Variants in CSNK2A2IP observed in about 807,000 individuals in gnomAD.
The protein encoded by CSNK2A2IP is casein kinase II subunit alpha'-interacting protein.
chr3:88,443,615 G>A, the CSNK2A2IP span, among the ~76,000 whole-genome samples: 5 of 152,054 alleles, frequency 3.3e-5, no homozygotes, highest in Non-Finnish European at 7.4e-5. Flanking sequence ...TATGTCCAGA[G>A]GGAAAGTCCA....
At chr3:88,465,555 A>T in the CSNK2A2IP span, 2 of 1,231,738 alleles carry the variant, frequency 1.6e-6, no homozygotes, top group African/African-American at 1.5e-5. Context: ...AGGTCCAGAG[A>T]TGCTCAGTAT....
At chr3:88,362,914 G>C in the CSNK2A2IP span, among the ~76,000 whole-genome samples, 5 of 152,122 alleles carry the variant, frequency 3.3e-5, no homozygotes, top group Non-Finnish European at 5.9e-5. Flanking sequence ...AGTTGGGGGA[G>C]AAGTGATACC....
chr3:88,391,047 T>G, the CSNK2A2IP span, among the ~76,000 whole-genome samples: 2 of 152,222 alleles, frequency 1.3e-5, no homozygotes, highest in Admixed American at 1.3e-4. Flanking sequence ...GGCAAATTAC[T>G]TAGTCTTTGT....
At chr3:88,404,710 T>G in the CSNK2A2IP span, among the ~76,000 whole-genome samples, 1 of 147,936 alleles carries the variant, frequency 6.8e-6, no homozygotes, top group Non-Finnish European at 1.5e-5. Flanking sequence ...CCCCTAATTC[T>G]TAAGTTGATG....
chr3:88,398,937 A>G, the CSNK2A2IP span, among the ~76,000 whole-genome samples: 24 of 152,336 alleles, frequency 1.6e-4, no homozygotes, highest in South Asian at 4.1e-4. Flanking sequence ...ATTAAACAAA[A>G]TATCCACTCA....
chr3:88,467,393 C>T, the CSNK2A2IP span: 552 of 398,650 alleles, frequency 1.4e-3, 2 homozygotes, highest in African/African-American at 0.01. Context: ...CGGTTGCCTG[C>T]AGGGGTCTCC....
chr3:88,366,374 A>C, the CSNK2A2IP span, among the ~76,000 whole-genome samples: 7 of 152,168 alleles, frequency 4.6e-5, no homozygotes, highest in African/African-American at 1.7e-4. Flanking sequence ...TCAACTGAAA[A>C]CCAGATGAAG....
chr3:88,439,652 G>A, the CSNK2A2IP span, among the ~76,000 whole-genome samples: 3 of 148,922 alleles, frequency 2.0e-5, no homozygotes, highest in Non-Finnish European at 4.4e-5. Context: ...TGAGGCAGGA[G>A]AATTGCTTGA....
chr3:88,414,142 G>A, the CSNK2A2IP span, among the ~76,000 whole-genome samples: 2 of 149,034 alleles, frequency 1.3e-5, no homozygotes, highest in Non-Finnish European at 3.0e-5. Flanking sequence ...GCTGATAAAA[G>A]TACAATACTT....
the CSNK2A2IP span, among the ~76,000 whole-genome samples, chr3:88,402,659 A>G: frequency 6.6e-6 from 1 of 151,910 alleles, no homozygotes; most frequent in East Asian, 1.9e-4. Context: ...AACATAAAAT[A>G]ATATATGCTA....
chr3:88,365,272 A>C, the CSNK2A2IP span, among the ~76,000 whole-genome samples: 5 of 152,226 alleles, frequency 3.3e-5, no homozygotes, highest in African/African-American at 1.2e-4. Flanking sequence ...TAAATGAAGT[A>C]GAATTGAAGT....
chr3:88,417,967 G>A, the CSNK2A2IP span, among the ~76,000 whole-genome samples: 247 of 152,194 alleles, frequency 1.6e-3, no homozygotes, highest in Non-Finnish European at 3.2e-3. Context: ...AAAGAAATCT[G>A]CTTTGAAAAA....
chr3:88,466,358 C>T, the CSNK2A2IP span: 2 of 1,231,744 alleles, frequency 1.6e-6, no homozygotes, highest in Non-Finnish European at 2.0e-6. Context: ...AACTTCCAGA[C>T]CACGAATTCA....
the CSNK2A2IP span, among the ~76,000 whole-genome samples, chr3:88,415,097 A>C: frequency 6.6e-6 from 1 of 151,972 alleles, no homozygotes; most frequent in Non-Finnish European, 1.5e-5. Context: ...CAAAACAGTA[A>C]TAGCAGTTCT....
the CSNK2A2IP span, among the ~76,000 whole-genome samples, chr3:88,399,347 A>G: frequency 1.3e-5 from 2 of 152,190 alleles, no homozygotes; most frequent in East Asian, 3.9e-4. Flanking sequence ...TAAAAAATAT[A>G]TATGTCACCA....
chr3:88,435,958 A>G, the CSNK2A2IP span, among the ~76,000 whole-genome samples: 1 of 129,306 alleles, frequency 7.7e-6, no homozygotes, highest in Non-Finnish European at 1.7e-5. Context: ...AATGCACATT[A>G]TGTGTGCATT....
chr3:88,451,912 T>C, the CSNK2A2IP span, among the ~76,000 whole-genome samples: 1 of 152,102 alleles, frequency 6.6e-6, no homozygotes, highest in Admixed American at 6.6e-5. Context: ...ATACCTGTAA[T>C]AATTGGCTTT....
At chr3:88,429,863 C>CT in the CSNK2A2IP span, among the ~76,000 whole-genome samples, 3 of 152,096 alleles carry the variant, frequency 2.0e-5, no homozygotes, top group Non-Finnish European at 4.4e-5. Flanking sequence ...CGCCATTCTC[C>CT]TGCCTCAGCC....
the CSNK2A2IP span, chr3:88,467,011 G>A: frequency 8.3e-7 from 1 of 1,204,412 alleles, no homozygotes. Flanking sequence ...CAACCTTGAA[G>A]GAGTAGAGAA....
Sources: gnomAD v4.1 joint callset for allele counts (sites outside exome capture counted in the v4.1 genomes callset) on GRCh38, gnomAD v4.1.1 for gene constraint, MANE v1.5 for transcripts, NCBI Gene and HGNC (gene_info 2026-07-23, HGNC 2026-07-21) for gene names.